RBM42: variants seen among roughly 807,000 people sequenced by gnomAD.
RBM42 encodes the protein RNA binding motif protein 42.
A neutral mutation model predicts 41.4 loss-of-function variants in RBM42; 21 were observed. That is an observed-to-expected ratio of 0.51 (90% CI 0.36 to 0.73). RBM42 has a LOEUF of 0.73. Among genes scored for constraint, RBM42 ranks in the 30% least tolerant of loss-of-function variants. RBM42 has a pLI of 0.00. For missense variants in RBM42, 539 were observed against 680.4 expected (o/e 0.79, Z 2.31); for synonymous variants, 272 against 271.2 (o/e 1.00, Z -0.03).
Position 35,633,742 on chromosome 19 carries a change from A to G in RBM42, c.740A>G (p.Glu247Gly). The G allele has an allele frequency of 6.7e-7, 1 of 1,490,276 alleles. No individual in the cohort carries two copies. The highest frequency in any genetic ancestry group is 8.9e-7 in the Non-Finnish European group (1 of 1,125,892). 92.3% of individuals were successfully genotyped at this position (1,490,276 alleles called of 1,614,324 possible). A position where few individuals can be genotyped will look rare whatever the true frequency, so the allele number is the denominator to read the frequency against. Residue 247 changes from glutamate to glycine, a missense_variant, in exon 7 of 10, where the codon GAG becomes GGG. Physicochemically the swap from Glu to Gly is moderately conservative, Grantham distance 98 (BLOSUM62 -2). Transcript: ENST00000262633. ...LGLGLGLGLK[E>G]KEEAVVAAAA... The stretch of plus-strand genomic sequence containing the variant: ...CTAGGCCTGGGGTTGGGCCTGAAAG[A>G]GAAGGAAGAGGCAGTGGTGGCGGCG...
chr19:35,630,000 G>A (rs1472583599), intron 2 of RBM42, among the ~76,000 whole-genome samples: 2 of 152,204 alleles, frequency 1.3e-5, no homozygotes, highest in African/African-American at 2.4e-5. Context: ...AGTAGAGAAA[G>A]AGAGAGAAAT....
chr19:35,637,065 C>G lies in RBM42; in HGVS notation c.1136-93C>G. On this transcript the variant is annotated intron_variant, in intron 8 of 9. Transcript: ENST00000262633. This position sits in a 1 kb window ranked among gnomAD's most constrained non-coding sequence, Gnocchi z 7.0. ...TTACTAAGAGGTCCCTAGGCAGAGACTAGATACCTCCGAAAAGGTGGGATC... is the reference window on the plus strand; with the variant it reads ...TTACTAAGAGGTCCCTAGGCAGAGAGTAGATACCTCCGAAAAGGTGGGATC... The G allele has an allele frequency of 8.3e-7, 1 of 1,201,514 alleles. No homozygotes were observed. The highest frequency in any genetic ancestry group is 1.2e-6 in the Non-Finnish European group (1 of 852,344). 74.4% of individuals were successfully genotyped at this position (1,201,514 alleles called of 1,614,324 possible). A position where few individuals can be genotyped will look rare whatever the true frequency, so the allele number is the denominator to read the frequency against.
Position 35,633,704 on chromosome 19 carries a change from C to G in RBM42, c.702C>G (p.Pro234=). ...LRPPLEEPAA[P]RELGLGLGLG... The stretch of plus-strand genomic sequence containing the variant: ...ACCCACAGGAAGAGCCAGCAGCACC[C>G]CGAGAGCTGGGCCTAGGCCTGGGGT... The change falls in exon 7 of 10, where the codon CCC becomes CCG. Residue 234 remains proline, a synonymous_variant. Transcript: ENST00000262633. 1 of 1,466,636 alleles carries G rather than the reference C, an allele frequency of 6.8e-7. No individual in the cohort carries two copies. The highest frequency in any genetic ancestry group is 9.0e-7 in the Non-Finnish European group (1 of 1,113,802). 90.9% of individuals were successfully genotyped at this position (1,466,636 alleles called of 1,614,324 possible).
At position 35,629,062 on chromosome 19, in the gene RBM42, G is replaced by C; in HGVS notation, c.-92G>C. On this transcript the variant is annotated 5_prime_UTR_variant, in exon 1 of 10. Coordinates refer to ENST00000262633, the MANE Select transcript of RBM42 (RefSeq NM_024321.5). ...CTTTTGCTGGACGTCATCCTCGGGAGCCCACCCGGACGAAGGGGGAGAGTA... is the reference window on the plus strand; with the variant it reads ...CTTTTGCTGGACGTCATCCTCGGGACCCCACCCGGACGAAGGGGGAGAGTA... 1 of 1,442,858 alleles carries C rather than the reference G, an allele frequency of 6.9e-7. No homozygotes were observed. The highest frequency in any genetic ancestry group is 1.4e-5 in the South Asian group (1 of 73,040). The allele number at this position is 1,442,858 out of a possible 1,614,324, so 89.4% of individuals were successfully genotyped here.
rs1406393552 is a variant in RBM42 at position 35,637,605 on chromosome 19, T to C, written c.*51T>C. ...ACCTGGCCGGGCGCTGGCTCCTCCC[T>C]CAGTTCTCTTTGGAAAACCCCCAGC... On this transcript the variant is annotated 3_prime_UTR_variant, in exon 10 of 10. Coordinates refer to ENST00000262633, the MANE Select transcript of RBM42 (RefSeq NM_024321.5). The surrounding 1 kb of genome is among the most constrained non-coding windows in gnomAD (Gnocchi z 7.0). The C allele has an allele frequency of 1.3e-5, 19 of 1,431,988 alleles. No homozygotes were observed. Among genetic ancestry groups the C allele is most frequent in the Non-Finnish European group, 1.8e-5 (19 of 1,029,524 alleles). The allele number at this position is 1,431,988 out of a possible 1,614,324, so 88.7% of individuals were successfully genotyped here.
rs1465675894 is a variant in RBM42, at chr19:35,633,084, T to G, written c.516T>G (p.Ala172=). The G allele has an allele frequency of 9.3e-6, 15 of 1,612,620 alleles. No homozygotes were observed. Among genetic ancestry groups the G allele is most frequent in the Non-Finnish European group, 1.3e-5 (15 of 1,178,918 alleles). ...CCACTAACACCCTGACAGATTCCGC[T>G]CTCTCCTCTGCAGCAGCCGGCCCCC... The part of the protein sequence containing the change: ...VPHVLQRADS[A]LSSAAAGPRP... The change falls in exon 6 of 10, where the codon GCT becomes GCG. Residue 172 remains alanine (A), a synonymous_variant. Coordinates refer to ENST00000262633, the MANE Select transcript of RBM42 (RefSeq NM_024321.5).
At chr19:35,631,456 A>G (rs1967403934) in intron 4 of RBM42, 51 bp downstream of exon 4, 1 of 1,546,142 alleles carries the variant, frequency 6.5e-7, no homozygotes, top group Non-Finnish European at 8.9e-7. Flanking sequence ...TCTTGTTTAC[A>G]TGACTTCAGC....
At chr19:35,635,667 C>T (rs564113900) in intron 8 of RBM42, among the ~76,000 whole-genome samples, 2 of 151,860 alleles carry the variant, frequency 1.3e-5, no homozygotes, top group Admixed American at 6.6e-5. Context: ...ACTACAGGCG[C>T]GCACGACCAT....
In RBM42 at chr19:35,631,386, C is replaced by T; in HGVS notation, c.423C>T (p.Ala141=). Residue 141 remains alanine, a synonymous_variant, in exon 4 of 10, where the codon GCC becomes GCT. Coordinates refer to ENST00000262633, the MANE Select transcript of RBM42 (RefSeq NM_024321.5). ...TGGACAGCCCAGAGGCTCGAGAAGCCATGTTCCTGCGGCGGGCAGGTGAGT... is the reference window on the plus strand; with the variant it reads ...TGGACAGCCCAGAGGCTCGAGAAGCTATGTTCCTGCGGCGGGCAGGTGAGT... ...SHLDSPEARE[A]MFLRRAAVAP... 1 of 1,614,222 alleles carries T rather than the reference C, an allele frequency of 6.2e-7. No individual in the cohort carries two copies. Among genetic ancestry groups the T allele is most frequent in the Non-Finnish European group, 8.5e-7 (1 of 1,180,040 alleles).
At chr19:35,629,749 G>GT in intron 2 of RBM42, 76 bp downstream of exon 2, 1 of 1,517,488 alleles carries the variant, frequency 6.6e-7, no homozygotes, top group Non-Finnish European at 9.0e-7. Context: ...ACAGAGAGCT[G>GT]TTGACGTTTT....
chr19:35,629,183 C>T lies in RBM42; in HGVS notation c.30C>T (p.Leu10=). 1.3e-6 allele frequency: 2 copies of T among 1,528,812 alleles called. No homozygotes were observed. The highest frequency in any genetic ancestry group is 1.2e-5 in the South Asian group (1 of 83,250). The allele number at this position is 1,528,812 out of a possible 1,614,324, so 94.7% of individuals were successfully genotyped here. ...CTGGGGCGGGGCCAGCCCCGGGACT[C>T]CCGGGTGCAGGAGGACCCGTGGTCC... MAGAGPAPG[L]PGAGGPVVPG... The change falls in exon 1 of 10, where the codon CTC becomes CTT. Residue 10 remains leucine (L), a synonymous_variant. Transcript: ENST00000262633.
Position 35,631,404 on chromosome 19 carries a change from A to C in RBM42, c.441A>C (p.Ala147=). The C allele has an allele frequency of 6.2e-7, 1 of 1,614,166 alleles. No individual in the cohort carries two copies. Among genetic ancestry groups the C allele is most frequent in the South Asian group, 1.1e-5 (1 of 91,090 alleles). ...EAREAMFLRR[A]AVAPQRAPIL... ...GAGAAGCCATGTTCCTGCGGCGGGC[A>C]GGTGAGTCTGGGGCCAGGGACCCCC... is the stretch of plus-strand genomic sequence containing the variant. The change falls in exon 4 of 10, where the codon GCA becomes GCC. Residue 147 remains alanine (A), a splice_region_variant and synonymous_variant. Transcript: ENST00000262633.
chr19:35,635,353 A>AT (rs963219200), intron 8 of RBM42, among the ~76,000 whole-genome samples: 3 of 151,478 alleles, frequency 2.0e-5, no homozygotes, highest in African/African-American at 7.3e-5. Context: ...CTTTTTGCAT[A>AT]TCATAATACT....
intron 2 of RBM42, 129 bp from the exon 3 acceptor site, chr19:35,631,011 A>G: frequency 1.3e-6 from 1 of 791,166 alleles, no homozygotes; most frequent in Admixed American, 2.1e-5. Flanking sequence ...GTGGCATTTT[A>G]GCTAAGACCT....
Position 35,631,375 on chromosome 19 carries a change from G to A in RBM42, c.412G>A (p.Ala138Thr). ...TCGGAGTCACCTGGACAGCCCAGAG[G>A]CTCGAGAAGCCATGTTCCTGCGGCG... ...GDRSHLDSPE[A>T]REAMFLRRAA... Residue 138 changes from alanine to threonine, a missense_variant, in exon 4 of 10, where the codon GCT (alanine) becomes ACT (threonine). This residue lies in a region of RBM42 where 429 missense variants were observed against 488.9 expected (regional missense o/e 0.88). Transcript: ENST00000262633. 1 of 1,614,212 alleles carries A rather than the reference G, an allele frequency of 6.2e-7. No homozygotes were observed. Among genetic ancestry groups the A allele is most frequent in the Middle Eastern group, 1.6e-4 (1 of 6,062 alleles).
At chr19:35,632,782 G>A (rs1182519913) in intron 4 of RBM42, among the ~76,000 whole-genome samples, 154 bp from the exon 5 acceptor site, 1 of 152,016 alleles carries the variant, frequency 6.6e-6, no homozygotes, top group Non-Finnish European at 1.5e-5. Flanking sequence ...ATGAACCAGG[G>A]GAGAGGCCCC....
chr19:35,631,182 G>C lies in RBM42; in HGVS notation c.325G>C (p.Val109Leu). 6.2e-7 allele frequency: 1 copy of C among 1,614,204 alleles called. No individual in the cohort carries two copies. Among genetic ancestry groups the C allele is most frequent in the South Asian group, 1.1e-5 (1 of 91,084 alleles). The change falls in exon 3 of 10, where the codon GTA (valine) becomes CTA (leucine). Residue 109 changes from valine to leucine, a missense_variant. This residue lies in a region of RBM42 where 429 missense variants were observed against 488.9 expected (regional missense o/e 0.88). Transcript: ENST00000262633. ...GGCCCGAGCAGCTGCTGCAGCCACA[G>C]TAGTTCCTCCCATGGTGGGTGGCCC... ...LEARAAAAATVVPPMVGGPPF... is the reference protein window; with the variant it reads ...LEARAAAAATLVPPMVGGPPF...
At chr19:35,636,631 G>C (rs192248165) in intron 8 of RBM42, among the ~76,000 whole-genome samples, 1 of 152,224 alleles carries the variant, frequency 6.6e-6, no homozygotes, top group Admixed American at 6.5e-5. Flanking sequence ...TCTCAAGGGG[G>C]AGTTAGGGCA....
rs1309017681 is a variant in RBM42 at position 35,629,117 on chromosome 19, A to G, written c.-37A>G. 4.0e-6 allele frequency: 6 copies of G among 1,499,676 alleles called. No homozygotes were observed. The South Asian group carries it at 6.2e-5, about 16-fold the overall frequency. The allele number at this position is 1,499,676 out of a possible 1,614,324, so 92.9% of individuals were successfully genotyped here. On this transcript the variant is annotated 5_prime_UTR_variant, in exon 1 of 10. Transcript: ENST00000262633. Reference sequence around the variant, plus strand: ...GCAGAACCAGCGGCGGCGGCTAAGCAGAGACTGTAGTAGCGGCGACAGCGA... The same window carrying G: ...GCAGAACCAGCGGCGGCGGCTAAGCGGAGACTGTAGTAGCGGCGACAGCGA...
Sources: allele counts gnomAD v4.1 joint callset (sites outside exome capture counted in the v4.1 genomes callset), GRCh38; gene constraint gnomAD v4.1.1; regional missense constraint gnomAD v4.1.1; non-coding constraint Gnocchi (gnomAD v3.1); transcripts MANE v1.5; gene names NCBI Gene and HGNC (gene_info 2026-07-23, HGNC 2026-07-21).